Variants in FCHO2 observed in about 807,000 individuals in gnomAD.
FCHO2 encodes the protein F-BAR domain only protein 2.
FCHO2 carries 43 observed loss-of-function variants against 114.1 expected under a neutral mutation model. The ratio of observed to expected loss-of-function variants is 0.38; its 90% CI spans 0.30 to 0.49. The LOEUF (loss-of-function observed/expected upper bound fraction) is 0.49, where lower values mean the gene tolerates loss of function less well. Among genes scored for constraint, FCHO2 ranks in the 20% least tolerant of loss-of-function variants. The pLI is 0.97. For synonymous variants in FCHO2, 293 were observed against 315.2 expected (o/e 0.93, Z 0.75); for missense variants, 807 against 950.4 (o/e 0.85, Z 1.98).
chr5:73,071,762 G>A (rs953541614), intron 19 of FCHO2, among the ~76,000 whole-genome samples: 4 of 151,912 alleles, frequency 2.6e-5, no homozygotes, highest in African/African-American at 9.7e-5. Context: ...TAGAAAATAC[G>A]AAAGGGAATA....
At chr5:73,035,658 A>G (rs999078366) in intron 9 of FCHO2, among the ~76,000 whole-genome samples, 1 of 152,022 alleles carries the variant, frequency 6.6e-6, no homozygotes, top group Non-Finnish European at 1.5e-5. Flanking sequence ...ATATGCCATC[A>G]TGCCCAGCTA....
At chr5:73,044,555 AG>A (rs1390760859) in intron 11 of FCHO2, among the ~76,000 whole-genome samples, 1 of 152,218 alleles carries the variant, frequency 6.6e-6, no homozygotes, top group Non-Finnish European at 1.5e-5. Flanking sequence ...CTATCATGGT[AG>A]GGAAATTATT....
chr5:73,077,577 C>G (rs759367677), intron 21 of FCHO2, 84 bp downstream of exon 21: 3 of 1,401,644 alleles, frequency 2.1e-6, no homozygotes, highest in Non-Finnish European at 1.9e-6. Context: ...CGCCTGTAAT[C>G]CCAGCAGTTT....
chr5:73,007,514 A>G (rs1314265760), intron 6 of FCHO2, among the ~76,000 whole-genome samples: 1 of 152,356 alleles, frequency 6.6e-6, no homozygotes, highest in East Asian at 1.9e-4. Flanking sequence ...CTCAGTTAAT[A>G]TGAAAGAAGG....
intron 9 of FCHO2, among the ~76,000 whole-genome samples, chr5:73,035,163 A>T (rs1340305862): frequency 6.6e-6 from 1 of 152,110 alleles, no homozygotes; most frequent in African/African-American, 2.4e-5. Flanking sequence ...CATGCTTGTA[A>T]TCTCAGCACT....
chr5:73,059,376 T>A (rs571391229), intron 17 of FCHO2, among the ~76,000 whole-genome samples: 2 of 152,072 alleles, frequency 1.3e-5, no homozygotes, highest in African/African-American at 4.8e-5. Flanking sequence ...TGTCCCTGTT[T>A]TATAGATGAA....
chr5:72,956,241 GTCC>G, intron 1 of FCHO2, 112 bp downstream of exon 1: 1 of 1,404,000 alleles, frequency 7.1e-7, no homozygotes, highest in Non-Finnish European at 9.6e-7. Context: ...CAGGGCGAGC[GTCC>G]TCCTGCCGCG....
intron 17 of FCHO2, among the ~76,000 whole-genome samples, chr5:73,059,952 AT>A (rs1198533624): frequency 1.3e-5 from 2 of 152,154 alleles, no homozygotes; most frequent in African/African-American, 4.8e-5. Context: ...AATTTTGTTA[AT>A]ATCCCCTTAT....
intron 18 of FCHO2, 90 bp downstream of exon 18, chr5:73,064,034 C>T (rs1757958746): frequency 3.2e-6 from 4 of 1,253,116 alleles, no homozygotes; most frequent in Non-Finnish European, 4.5e-6. Flanking sequence ...CAGTTAATTG[C>T]TTGAAGTTTT....
intron 5 of FCHO2, among the ~76,000 whole-genome samples, chr5:73,001,448 C>CAAAAAA (rs1215202339): frequency 1.8e-4 from 12 of 65,500 alleles, no homozygotes; most frequent in South Asian, 5.9e-4. Flanking sequence ...GATCCTGTCT[C>CAAAAAA]AAAAAAAAAA....
At chr5:73,012,761 A>G (rs569950773) in intron 6 of FCHO2, among the ~76,000 whole-genome samples, 27 of 152,120 alleles carry the variant, frequency 1.8e-4, no homozygotes, top group Non-Finnish European at 2.9e-4. Context: ...TCCATTTCCC[A>G]TTGCTGAATT....
intron 14 of FCHO2, 146 bp from the exon 15 acceptor site, chr5:73,054,379 C>T (rs774013335): frequency 3.5e-6 from 3 of 848,206 alleles, no homozygotes; most frequent in Non-Finnish European, 5.4e-6. Flanking sequence ...TGTTTTTTCT[C>T]TATATCTTTT....
intron 10 of FCHO2, among the ~76,000 whole-genome samples, chr5:73,040,076 ATTTTCCT>A (rs1756733664): frequency 6.6e-6 from 1 of 151,876 alleles, no homozygotes; most frequent in Non-Finnish European, 1.5e-5. Context: ...GTTTTATCCT[ATTTTCCT>A]TTAAGAAAAT....
At chr5:73,048,781 TTA>T (rs112196402) in intron 11 of FCHO2, among the ~76,000 whole-genome samples, 45,071 of 151,820 alleles carry the variant, frequency 0.3, 6,900 homozygotes, top group East Asian at 0.44. Context: ...GTTGTGCCAA[TTA>T]TTGTATTAAT....
intron 1 of FCHO2, among the ~76,000 whole-genome samples, chr5:72,958,429 T>C (rs1449415797): frequency 6.6e-6 from 1 of 152,236 alleles, no homozygotes; most frequent in Non-Finnish European, 1.5e-5. Context: ...GTACCATTTG[T>C]TGAAAAGGTT....
chr5:73,014,496 G>C (rs758853844), intron 6 of FCHO2, among the ~76,000 whole-genome samples: 3 of 151,756 alleles, frequency 2.0e-5, no homozygotes, highest in Non-Finnish European at 4.4e-5. Context: ...CACCACGTTT[G>C]TCAGGCTGAT....
At chr5:73,020,809 G>C in intron 8 of FCHO2, 1 of 926,986 alleles carries the variant, frequency 1.1e-6, no homozygotes, top group Non-Finnish European at 1.8e-6. Flanking sequence ...CTCTTGAATG[G>C]TCCTGTCTGC....
At chr5:73,006,284 T>TA (rs1251867321) in intron 5 of FCHO2, among the ~76,000 whole-genome samples, 161 bp from the exon 6 acceptor site, 2 of 151,884 alleles carry the variant, frequency 1.3e-5, no homozygotes, top group African/African-American at 4.8e-5. Context: ...ACAACAACAA[T>TA]AAAAAAAGAC....
chr5:73,007,359 A>G (rs1459489739), intron 6 of FCHO2, among the ~76,000 whole-genome samples: 2 of 152,236 alleles, frequency 1.3e-5, no homozygotes, highest in African/African-American at 2.4e-5. Context: ...AGGGGCCAGA[A>G]ACAGTGAAGC....
Sources: gnomAD v4.1 joint callset for allele counts (sites outside exome capture counted in the v4.1 genomes callset) on GRCh38, gnomAD v4.1.1 for gene constraint, MANE v1.5 for transcripts, NCBI Gene and HGNC (gene_info 2026-07-23, HGNC 2026-07-21) for gene names.